The following CCNJL variants were observed in gnomAD, a reference collection of about 807,000 sequenced individuals.
CCNJL encodes the protein cyclin J like, also known as cyclin-J-like protein.
In CCNJL, 33 loss-of-function variants were observed where a neutral mutation model predicts 33.4. The ratio of observed to expected loss-of-function variants is 0.99; its 90% CI spans 0.75 to 1.32. The LOEUF (loss-of-function observed/expected upper bound fraction) is 1.32, where lower values mean the gene tolerates loss of function less well. CCNJL is among the 40% of genes most tolerant of loss of function. The probability of loss-of-function intolerance (pLI) is 0.00; values close to 1 mark genes in which losing one functional copy is unlikely to be tolerated. For missense variants in CCNJL, 512 were observed against 499.7 expected, an observed-to-expected ratio of 1.02 and a Z score of -0.23; for synonymous variants, 227 against 220.9, an observed-to-expected ratio of 1.03 and a Z score of -0.24.
chr5:160,319,977 G>A (rs774144097), intron 1 of CCNJL, among the ~76,000 whole-genome samples: 2 of 152,040 alleles, frequency 1.3e-5, no homozygotes, highest in Non-Finnish European at 2.9e-5. Context: ...CATGGATAGC[G>A]GAGCTAACGG....
chr5:160,253,331 TC>T lies in CCNJL; in HGVS notation c.*46del. The T allele has an allele frequency of 1.3e-6, 2 of 1,522,676 alleles. No homozygotes were observed. The highest frequency in any genetic ancestry group is 1.8e-6 in the Non-Finnish European group (2 of 1,131,932). 94.3% of individuals were successfully genotyped at this position (1,522,676 alleles called of 1,614,324 possible). A position where few individuals can be genotyped will look rare whatever the true frequency, so the allele number is the denominator to read the frequency against. ...TGAGCTCTCCTCTTCAGTGTCCTCT[TC>T]CTCTGCCCACATCTCCAAGGCTTCC... On this transcript the variant is annotated 3_prime_UTR_variant, in exon 6 of 6. Coordinates refer to ENST00000257536, the MANE Select transcript of CCNJL (RefSeq NM_001308173.3).
At position 160,253,360 on chromosome 5, in the gene CCNJL, G is replaced by T. The variant is rs767452083; in HGVS notation, c.*18C>A. On this transcript the variant is annotated 3_prime_UTR_variant, in exon 6 of 6. Transcript: ENST00000257536. ...CTGCCCACATCTCCAAGGCTTCCTC[G>T]TGAGGTCTGGAGGTGGCCTATCTGT... The T allele has an allele frequency of 6.5e-7, 1 of 1,549,608 alleles. No individual in the cohort carries two copies. Among genetic ancestry groups the T allele is most frequent in the East Asian group, 2.3e-5 (1 of 44,230 alleles).
exon 1 of CCNJL, chr5:160,339,556 CATT>C: frequency 2.2e-6 from 1 of 445,342 alleles, no homozygotes; most frequent in Non-Finnish European, 4.5e-6. Flanking sequence ...TTCAGTTATC[CATT>C]AGTGCTGACA....
At chr5:160,296,055 C>A (rs772164859) in intron 2 of CCNJL, among the ~76,000 whole-genome samples, 31 of 152,192 alleles carry the variant, frequency 2.0e-4, no homozygotes, top group Admixed American at 4.6e-4. Flanking sequence ...TTTGTTCATC[C>A]TGTAGGCAGT....
upstream of CCNJL, among the ~76,000 whole-genome samples, chr5:160,317,728 C>T (rs1482660440): frequency 2.6e-5 from 4 of 152,160 alleles, no homozygotes; most frequent in Non-Finnish European, 5.9e-5. Context: ...GTTTCTGGGG[C>T]TGCCATAACA....
At chr5:160,259,409 C>T (rs1761216323) in intron 4 of CCNJL, 60 bp downstream of exon 4, 2 of 1,524,766 alleles carry the variant, frequency 1.3e-6, no homozygotes, top group Non-Finnish European at 1.8e-6. Context: ...GCCGCCTGAC[C>T]CCGACCCCTG....
rs139382340 is a variant in CCNJL, at chr5:160,303,304, C to A, written c.66+8554G>T. 3.3e-3 allele frequency among the ~76,000 whole-genome samples: 510 copies of A among 152,244 alleles called. 5 individuals are homozygous for A. The highest frequency in any genetic ancestry group is 0.012 in the African/African-American group (491 of 41,534). On this transcript the variant is annotated intron_variant, in intron 2 of 5. Coordinates refer to ENST00000257536, the MANE Select transcript of CCNJL (RefSeq NM_001308173.3). ...CACTGCAACCTCCGTCTCCCGGGTT[C>A]AAGCGATTCTCCTGCCTCGGCCTCC...
At chr5:160,270,175 G>GGCTCA (rs1240675045) in intron 3 of CCNJL, among the ~76,000 whole-genome samples, 1 of 152,108 alleles carries the variant, frequency 6.6e-6, no homozygotes, top group Non-Finnish European at 1.5e-5. Flanking sequence ...TGGGCGCAGT[G>GGCTCA]GCTCACGCCT....
intron 3 of CCNJL, among the ~76,000 whole-genome samples, chr5:160,262,888 C>T (rs901596270): frequency 1.8e-4 from 28 of 152,208 alleles, no homozygotes; most frequent in South Asian, 4.1e-4. Flanking sequence ...CACCAAGCAC[C>T]GTTACTCAGC....
Position 160,249,146 on chromosome 5 carries a change from C to G in CCNJL, c.*4232G>C, listed in dbSNP as rs781585403. The G allele has an allele frequency of 1.3e-5, 2 of 152,180 alleles. No individual in the cohort carries two copies. Among genetic ancestry groups the G allele is most frequent in the Non-Finnish European group, 2.9e-5 (2 of 68,028 alleles). 9.4% of individuals were successfully genotyped at this position (152,180 alleles called of 1,614,324 possible). On this transcript the variant is annotated 3_prime_UTR_variant, in exon 6 of 6. Coordinates refer to ENST00000257536, the MANE Select transcript of CCNJL (RefSeq NM_001308173.3). ...CTAGTGTATTTCATGAGGAGGTCAG[C>G]TCATTTGCTCCCATTTGAACCATGC...
intron 1 of CCNJL, chr5:160,327,027 G>GT (rs981208026): frequency 7.8e-5 from 33 of 421,546 alleles, no homozygotes; most frequent in African/African-American, 6.6e-4. Context: ...GTTTTTAGAT[G>GT]TTTTTTGTCC....
chr5:160,261,473 TAC>T (rs1761329965), intron 3 of CCNJL: 1 of 152,262 alleles, frequency 6.6e-6, no homozygotes, highest in Non-Finnish European at 1.5e-5. Flanking sequence ...GTGTCCGAAG[TAC>T]ACACTTTCTT....
chr5:160,334,053 G>A (rs72814336), intron 1 of CCNJL, among the ~76,000 whole-genome samples: 18,242 of 152,112 alleles, frequency 0.12, 1,443 homozygotes, highest in African/African-American at 0.22. Flanking sequence ...TGTTGTTACT[G>A]ATAATTGCAA....
chr5:160,311,107 C>T (rs1179850525), intron 2 of CCNJL, among the ~76,000 whole-genome samples: 1 of 152,136 alleles, frequency 6.6e-6, no homozygotes, highest in African/African-American at 2.4e-5. Flanking sequence ...ATGCCTCCAG[C>T]CCACCTGGAC....
At chr5:160,322,241 A>T (rs956896258) in intron 1 of CCNJL, among the ~76,000 whole-genome samples, 3 of 152,202 alleles carry the variant, frequency 2.0e-5, no homozygotes, top group African/African-American at 7.2e-5. Flanking sequence ...GTCTCTAAGG[A>T]CATTTTTGAT....
intron 2 of CCNJL, among the ~76,000 whole-genome samples, chr5:160,310,414 A>G (rs1728083974): frequency 6.6e-6 from 1 of 152,242 alleles, no homozygotes; most frequent in African/African-American, 2.4e-5. Context: ...CAGGTACAGA[A>G]AGAAAAGAAA....
At chr5:160,293,822 G>A (rs1762665038) in intron 2 of CCNJL, among the ~76,000 whole-genome samples, 1 of 152,172 alleles carries the variant, frequency 6.6e-6, no homozygotes, top group African/African-American at 2.4e-5. Context: ...GCCAGGGCTT[G>A]GGGTATGACA....
rs1271802747 is a variant in CCNJL at position 160,251,602 on chromosome 5, G to C, written c.*1776C>G. The C allele has an allele frequency of 6.6e-6, 1 of 152,280 alleles. No homozygotes were observed. The highest frequency in any genetic ancestry group is 3.1e-3 in the Middle Eastern group (1 of 318). The allele number at this position is 152,280 out of a possible 1,614,324, so 9.4% of individuals were successfully genotyped here. A position where few individuals can be genotyped will look rare whatever the true frequency, so the allele number is the denominator to read the frequency against. On this transcript the variant is annotated 3_prime_UTR_variant, in exon 6 of 6. Transcript: ENST00000257536. ...GGGAGATGCTCACCAGGGCTGATTT[G>C]AGAGAGGGAAGGAGGGGCCGGCCCA...
At chr5:160,275,636 C>T (rs1442519955) in intron 3 of CCNJL, among the ~76,000 whole-genome samples, 2 of 152,162 alleles carry the variant, frequency 1.3e-5, no homozygotes, top group Non-Finnish European at 2.9e-5. Context: ...AAGCACGTGC[C>T]ACCACACCTG....
Sources: allele counts gnomAD v4.1 joint callset (sites outside exome capture counted in the v4.1 genomes callset), GRCh38; gene constraint gnomAD v4.1.1; transcripts MANE v1.5; gene names NCBI Gene and HGNC (gene_info 2026-07-23, HGNC 2026-07-21).